The following LRP1B variants were observed in gnomAD, a reference collection of about 807,000 sequenced individuals.
LRP1B encodes LDL receptor related protein 1B.
Under a neutral mutation model 556.6 loss-of-function variants are expected in LRP1B, and 217 were observed. That is an observed-to-expected ratio of 0.39 (90% CI 0.35 to 0.44). The LOEUF is 0.44. Ranked by LOEUF, LRP1B falls within the 20% of genes least tolerant of loss-of-function variation. LRP1B has a pLI of 1.00. For missense variants in LRP1B, 5,053 were observed against 5,620.8 expected (o/e 0.90, Z 3.23); for synonymous variants, 2,047 against 1,865.8 (o/e 1.10, Z -2.50).
chr2:141,241,048 A>G (rs1683851628), intron 5 of LRP1B, among the ~76,000 whole-genome samples: 1 of 152,072 alleles, frequency 6.6e-6, no homozygotes, highest in African/African-American at 2.4e-5. Context: ...CAAAACCAAC[A>G]TAGAATATTC....
Position 140,706,394 on chromosome 2 carries a change from G to A in LRP1B, c.6024-3841C>T, listed in dbSNP as rs541649179. ...AATATTAAACTTGTCCAAATCAAAT[G>A]CTATATTGTGTAACTGAATTTTATC... is the stretch of plus-strand genomic sequence containing the variant. On this transcript the variant is annotated intron_variant, in intron 37 of 90. Transcript: ENST00000389484. 3.3e-5 allele frequency among the ~76,000 whole-genome samples: 5 copies of A among 152,162 alleles called. No homozygotes were observed. The South Asian group carries it at 1.0e-3, about 32-fold the overall frequency.
intron 7 of LRP1B, among the ~76,000 whole-genome samples, chr2:141,155,042 T>C (rs891457123): frequency 7.2e-5 from 11 of 151,938 alleles, no homozygotes; most frequent in African/African-American, 2.7e-4. Flanking sequence ...GTTTACAGAG[T>C]ATTACTAAAG....
chr2:142,017,249 A>G (rs1446299356), intron 1 of LRP1B, among the ~76,000 whole-genome samples: 1 of 152,182 alleles, frequency 6.6e-6, no homozygotes, highest in Non-Finnish European at 1.5e-5. Flanking sequence ...AATTGAGTAT[A>G]TGTCCTTGTC....
chr2:141,782,230 GT>G, intron 2 of LRP1B, among the ~76,000 whole-genome samples: 1 of 151,946 alleles, frequency 6.6e-6, no homozygotes, highest in Non-Finnish European at 1.5e-5. Flanking sequence ...GGTACAGATT[GT>G]TTTTTTGAAG....
intron 2 of LRP1B, among the ~76,000 whole-genome samples, chr2:141,644,729 T>TCACA (rs3039268): frequency 0.5 from 70,365 of 141,362 alleles, 18,729 homozygotes; most frequent in Non-Finnish European, 0.62. Flanking sequence ...CAGTCATTGA[T>TCACA]CACACACACA....
intron 83 of LRP1B, among the ~76,000 whole-genome samples, chr2:140,301,502 C>T (rs868050114): frequency 7.2e-5 from 11 of 152,086 alleles, no homozygotes; most frequent in African/African-American, 2.7e-4. Context: ...CAGTTATACT[C>T]TCTGCTCTCA....
intron 3 of LRP1B, among the ~76,000 whole-genome samples, chr2:141,414,988 C>T (rs912285581): frequency 6.6e-6 from 1 of 152,226 alleles, no homozygotes; most frequent in Admixed American, 6.5e-5. Context: ...CCTCTCACAG[C>T]TACACTCATT....
At chr2:140,502,798 G>A (rs976936740) in intron 54 of LRP1B, among the ~76,000 whole-genome samples, 165 bp downstream of exon 54, 13 of 151,914 alleles carry the variant, frequency 8.6e-5, no homozygotes, top group African/African-American at 3.1e-4. Flanking sequence ...TCCAAAACTA[G>A]CTTCTCACAG....
intron 1 of LRP1B, among the ~76,000 whole-genome samples, chr2:141,828,165 A>G (rs1696998396): frequency 6.6e-6 from 1 of 152,098 alleles, no homozygotes; most frequent in South Asian, 2.1e-4. Flanking sequence ...TCTTAAGGAT[A>G]TTTAATGTTT....
chr2:140,456,440 C>T lies in LRP1B; in HGVS notation c.9963+15G>A, dbSNP rs1471988343. The T allele has an allele frequency of 3.1e-6, 5 of 1,609,086 alleles. No individual in the cohort carries two copies. The highest frequency in any genetic ancestry group is 1.3e-5 in the African/African-American group (1 of 74,718). Reference sequence around the variant, plus strand: ...ACCATACACTCTATAATAAGATTCCCAGACCTCCACTCACCTGGCTGGCTG... The same window carrying T: ...ACCATACACTCTATAATAAGATTCCTAGACCTCCACTCACCTGGCTGGCTG... On this transcript the variant is annotated intron_variant, in intron 62 of 90. Coordinates refer to ENST00000389484, the MANE Select transcript of LRP1B (RefSeq NM_018557.3).
At chr2:141,441,008 A>T (rs943894492) in intron 3 of LRP1B, among the ~76,000 whole-genome samples, 1 of 152,066 alleles carries the variant, frequency 6.6e-6, no homozygotes, top group Non-Finnish European at 1.5e-5. Flanking sequence ...CCACAACAAA[A>T]AATTATCTAG....
intron 1 of LRP1B, among the ~76,000 whole-genome samples, chr2:142,085,655 G>A (rs542184678): frequency 6.6e-6 from 1 of 151,680 alleles, no homozygotes; most frequent in African/African-American, 2.4e-5. Context: ...GTCCATCTTC[G>A]TGTGTGTGTA....
intron 7 of LRP1B, among the ~76,000 whole-genome samples, chr2:141,140,013 A>C (rs1200231632): frequency 6.6e-6 from 1 of 152,142 alleles, no homozygotes; most frequent in African/African-American, 2.4e-5. Flanking sequence ...CTCAGCAAAA[A>C]AAAAGAGATT....
chr2:140,776,319 C>T, intron 32 of LRP1B, 81 bp from the exon 33 acceptor site: 2 of 882,138 alleles, frequency 2.3e-6, no homozygotes, highest in Non-Finnish European at 3.2e-6. Context: ...AACTATAATA[C>T]TCTCTGATTT....
intron 2 of LRP1B, among the ~76,000 whole-genome samples, chr2:141,580,403 A>G (rs1427258568): frequency 2.0e-5 from 3 of 152,218 alleles, no homozygotes; most frequent in Non-Finnish European, 4.4e-5. Flanking sequence ...ATACAAATAC[A>G]TGATCTCTAA....
At chr2:141,233,633 T>C (rs559193941) in intron 5 of LRP1B, among the ~76,000 whole-genome samples, 1 of 152,264 alleles carries the variant, frequency 6.6e-6, no homozygotes, top group East Asian at 1.9e-4. Context: ...GTCAAAAATA[T>C]ACTAAAAGTG....
intron 1 of LRP1B, among the ~76,000 whole-genome samples, chr2:141,890,853 G>T (rs1051099805): frequency 2.0e-5 from 3 of 152,026 alleles, no homozygotes; most frequent in African/African-American, 2.4e-5. Flanking sequence ...GAAGCCACTG[G>T]TTATTATTTA....
At chr2:140,280,331 T>C (rs1386806536) in intron 84 of LRP1B, among the ~76,000 whole-genome samples, 2 of 151,846 alleles carry the variant, frequency 1.3e-5, no homozygotes, top group Non-Finnish European at 2.9e-5. Flanking sequence ...AAAATATAGA[T>C]AAAAGATTTT....
intron 1 of LRP1B, among the ~76,000 whole-genome samples, chr2:141,913,948 G>A (rs1457320647): frequency 1.3e-5 from 2 of 151,948 alleles, no homozygotes; most frequent in African/African-American, 2.4e-5. Context: ...GGGTTTCACT[G>A]TGTTAGCCAG....
Sources: gnomAD v4.1 joint callset for allele counts (sites outside exome capture counted in the v4.1 genomes callset) on GRCh38, gnomAD v4.1.1 for gene constraint, MANE v1.5 for transcripts, NCBI Gene and HGNC (gene_info 2026-07-23, HGNC 2026-07-21) for gene names.